Variants in UBXN2B observed in about 807,000 individuals in gnomAD.
The protein encoded by UBXN2B is UBX domain protein 2B, also known as UBX domain-containing protein 2B.
A neutral mutation model predicts 37.5 loss-of-function variants in UBXN2B; 19 were observed. The ratio of observed to expected loss-of-function variants is 0.51; its 90% CI spans 0.35 to 0.74. The LOEUF (loss-of-function observed/expected upper bound fraction) is 0.74. UBXN2B is among the 30% of genes least tolerant of loss of function. The probability of loss-of-function intolerance (pLI) is 0.01; values close to 1 mark genes in which losing one functional copy is unlikely to be tolerated. For missense variants in UBXN2B, 370 were observed against 393.2 expected (o/e 0.94, Z 0.50); for synonymous variants, 145 against 143.8 (o/e 1.01, Z -0.06).
At chr8:58,418,877 C>T (rs767976668) in intron 2 of UBXN2B, among the ~76,000 whole-genome samples, 8 of 152,222 alleles carry the variant, frequency 5.3e-5, no homozygotes, top group South Asian at 2.1e-4. Context: ...GCATTTTACT[C>T]ACTATTTGGC....
chr8:58,414,611 T>G (rs748742361), intron 1 of UBXN2B, among the ~76,000 whole-genome samples: 36 of 152,176 alleles, frequency 2.4e-4, no homozygotes, highest in Non-Finnish European at 4.6e-4. Flanking sequence ...CAATTTAAAT[T>G]ATCATTTCCT....
chr8:58,433,010 A>C (rs369365721), intron 3 of UBXN2B, 150 bp from the exon 4 acceptor site: 1 of 549,148 alleles, frequency 1.8e-6, no homozygotes, highest in Non-Finnish European at 3.2e-6. Flanking sequence ...TCTTTTAGTC[A>C]AGTCTTATGG....
At chr8:58,443,638 C>CAAAAA (rs754470490) in intron 6 of UBXN2B, among the ~76,000 whole-genome samples, 2 of 59,608 alleles carry the variant, frequency 3.4e-5, no homozygotes, top group Non-Finnish European at 3.4e-5. Flanking sequence ...ACTAAAAATC[C>CAAAAA]AAAAAAAAAA....
At chr8:58,414,784 T>C (rs1364671233) in intron 1 of UBXN2B, among the ~76,000 whole-genome samples, 2 of 152,166 alleles carry the variant, frequency 1.3e-5, no homozygotes, top group Admixed American at 6.5e-5. Flanking sequence ...ACTAGGATCT[T>C]TCAGCCAGGT....
In UBXN2B at chr8:58,446,779, A is replaced by ATTTTTTTTTTTTTTTTTTTTTTTTTTT. The variant is rs869090698; in HGVS notation, c.834-600_834-574dup. Among the ~76,000 whole-genome samples the ATTTTTTTTTTTTTTTTTTTTTTTTTTT allele has an allele frequency of 1.7e-3, 29 of 17,402 alleles. 12 individuals carry two copies. Among genetic ancestry groups the ATTTTTTTTTTTTTTTTTTTTTTTTTTT allele is most frequent in the East Asian group, 4.0e-3 (2 of 496 alleles). 11.4% of individuals were successfully genotyped at this position (17,402 alleles called of 152,430 possible). On this transcript the variant is annotated intron_variant, in intron 7 of 7. Transcript: ENST00000399598. ...ATACTCCGAAAAAAGTACAACCTGC[A>ATTTTTTTTTTTTTTTTTTTTTTTTTTT]TTTTTTTTTTTTTTTTTTTTTTTTT... is the stretch of plus-strand genomic sequence containing the variant.
At chr8:58,434,991 C>A in intron 5 of UBXN2B, 2 of 1,531,002 alleles carry the variant, frequency 1.3e-6, no homozygotes, top group South Asian at 1.2e-5. Context: ...CTCAGATATT[C>A]AGTGCTCTCA....
intron 2 of UBXN2B, among the ~76,000 whole-genome samples, chr8:58,418,241 C>CA (rs56073006): frequency 0.042 from 4,525 of 106,678 alleles, 82 homozygotes; most frequent in East Asian, 0.18. Context: ...ACTCTGTCTC[C>CA]AAAAAAAAAA....
At chr8:58,435,665 T>C (rs1421860175) in intron 5 of UBXN2B, among the ~76,000 whole-genome samples, 1 of 152,212 alleles carries the variant, frequency 6.6e-6, no homozygotes, top group Admixed American at 6.5e-5. Context: ...GAATGTTCTG[T>C]TATATAGATA....
At chr8:58,416,820 A>G in intron 1 of UBXN2B, 30 bp from the exon 2 acceptor site, 3 of 1,593,104 alleles carry the variant, frequency 1.9e-6, no homozygotes, top group Non-Finnish European at 2.6e-6. Flanking sequence ...TCCTAGTGTT[A>G]TACTTTGTAA....
chr8:58,429,120 A>G (rs1330293550), intron 2 of UBXN2B, among the ~76,000 whole-genome samples: 2 of 152,216 alleles, frequency 1.3e-5, no homozygotes, highest in African/African-American at 4.8e-5. Flanking sequence ...TTTTTGCGGT[A>G]AGGTCTTTCT....
In UBXN2B at chr8:58,448,749, A is replaced by C. The variant is rs1808742015; in HGVS notation, c.*1198A>C. The C allele has an allele frequency of 6.6e-6, 1 of 152,520 alleles. No homozygotes were observed. Among genetic ancestry groups the C allele is most frequent in the Non-Finnish European group, 1.5e-5 (1 of 68,024 alleles). The allele number at this position is 152,520 out of a possible 1,614,324, so 9.4% of individuals were successfully genotyped here. Reference sequence around the variant, plus strand: ...AGCATAAATGTTTGCATTTCTGCTGAAGCCAGAAGCTTTTCCTTCTTCCTA... The same window carrying C: ...AGCATAAATGTTTGCATTTCTGCTGCAGCCAGAAGCTTTTCCTTCTTCCTA... On this transcript the variant is annotated 3_prime_UTR_variant, in exon 8 of 8. Coordinates refer to ENST00000399598, the MANE Select transcript of UBXN2B (RefSeq NM_001077619.2).
At chr8:58,423,714 C>T (rs1313660831) in intron 2 of UBXN2B, among the ~76,000 whole-genome samples, 3 of 150,742 alleles carry the variant, frequency 2.0e-5, no homozygotes, top group African/African-American at 4.9e-5. Flanking sequence ...GGATTACAGG[C>T]GTGAGCCACC....
intron 6 of UBXN2B, among the ~76,000 whole-genome samples, chr8:58,441,852 CAG>C (rs1213196281): frequency 6.6e-6 from 1 of 152,136 alleles, no homozygotes; most frequent in Non-Finnish European, 1.5e-5. Context: ...TTATGGAAAA[CAG>C]AATCTACTTG....
intron 2 of UBXN2B, among the ~76,000 whole-genome samples, chr8:58,421,321 C>CG (rs1807917823): frequency 6.6e-6 from 1 of 151,488 alleles, no homozygotes; most frequent in African/African-American, 2.4e-5. Flanking sequence ...AGGCCACACA[C>CG]TAGACATGAA....
At chr8:58,435,923 A>G (rs1435257889) in intron 5 of UBXN2B, among the ~76,000 whole-genome samples, 3 of 152,206 alleles carry the variant, frequency 2.0e-5, no homozygotes, top group African/African-American at 7.2e-5. Context: ...CATCTACACT[A>G]TCCTCAAAGA....
At chr8:58,417,661 G>C in intron 2 of UBXN2B, among the ~76,000 whole-genome samples, 3 of 152,234 alleles carry the variant, frequency 2.0e-5, no homozygotes, top group Middle Eastern at 6.8e-3. Context: ...GGGAAGAAAC[G>C]TCAGTTTTCC....
At position 58,435,786 on chromosome 8, in the gene UBXN2B, A is replaced by G. The variant is rs540203005; in HGVS notation, c.533+1282A>G. Among the ~76,000 whole-genome samples, 17 of 152,346 alleles carry G rather than the reference A, an allele frequency of 1.1e-4. 1 individual carries two copies. The South Asian group carries it at 3.5e-3, about 32-fold the overall frequency. ...AAATTTGAGCCACACCATATCTGCAATAATGTACAAATTATGATCAATAAG... is the reference window on the plus strand; with the variant it reads ...AAATTTGAGCCACACCATATCTGCAGTAATGTACAAATTATGATCAATAAG... On this transcript the variant is annotated intron_variant, in intron 5 of 7. Coordinates refer to ENST00000399598, the MANE Select transcript of UBXN2B (RefSeq NM_001077619.2).
chr8:58,427,247 A>C (rs1403791740), intron 2 of UBXN2B, among the ~76,000 whole-genome samples: 1 of 152,154 alleles, frequency 6.6e-6, no homozygotes. Flanking sequence ...AGCATTGCAG[A>C]TCGCTTGAGC....
chr8:58,448,280 TC>T lies in UBXN2B; in HGVS notation c.*730del, dbSNP rs1248483830. ...CCTCCGCCTCCCAGGTTCAAAAGAT[TC>T]TCCTGCCTTAGCCTCCCAAGTAGCT... On this transcript the variant is annotated 3_prime_UTR_variant, in exon 8 of 8. Coordinates refer to ENST00000399598, the MANE Select transcript of UBXN2B (RefSeq NM_001077619.2). 1 of 152,018 alleles carries T rather than the reference TC, an allele frequency of 6.6e-6. No individual in the cohort carries two copies. Among genetic ancestry groups the T allele is most frequent in the Non-Finnish European group, 1.5e-5 (1 of 68,000 alleles). 9.4% of individuals were successfully genotyped at this position (152,018 alleles called of 1,614,324 possible). A position where few individuals can be genotyped will look rare whatever the true frequency, so the allele number is the denominator to read the frequency against.
Sources: allele counts gnomAD v4.1 joint callset (sites outside exome capture counted in the v4.1 genomes callset), GRCh38; gene constraint gnomAD v4.1.1; transcripts MANE v1.5; gene names NCBI Gene and HGNC (gene_info 2026-07-23, HGNC 2026-07-21).